The following KSR2 variants were observed in gnomAD, a reference collection of about 807,000 sequenced individuals.
KSR2 encodes kinase suppressor of ras 2.
Under a neutral mutation model 107.8 loss-of-function variants are expected in KSR2, and 25 were observed. The observed-to-expected ratio is 0.23, with a 90% CI of 0.17 to 0.32. The LOEUF (loss-of-function observed/expected upper bound fraction) is 0.32. Ranked by LOEUF, KSR2 falls within the 10% of genes least tolerant of loss-of-function variation. KSR2 has a pLI of 1.00. For missense variants in KSR2, 887 were observed against 1,268.9 expected (o/e 0.70, Z 4.57); for synonymous variants, 480 against 507.0 (o/e 0.95, Z 0.71).
At chr12:117,940,333 G>GT (rs1007861658) in intron 1 of KSR2, among the ~76,000 whole-genome samples, 2 of 152,128 alleles carry the variant, frequency 1.3e-5, no homozygotes, top group Non-Finnish European at 2.9e-5. Context: ...TGTTTTGTAG[G>GT]TATCTCAGAG....
At chr12:117,554,771 T>C (rs550837709) in intron 9 of KSR2, among the ~76,000 whole-genome samples, 1 of 152,292 alleles carries the variant, frequency 6.6e-6, no homozygotes, top group South Asian at 2.1e-4. Context: ...AACCTCTTTT[T>C]CTTTATGAAT....
chr12:117,704,564 A>G (rs1209912612), intron 4 of KSR2, among the ~76,000 whole-genome samples: 1 of 152,136 alleles, frequency 6.6e-6, no homozygotes, highest in Non-Finnish European at 1.5e-5. Flanking sequence ...ACCAAGCTCA[A>G]GACATAATGA....
In KSR2 at chr12:117,669,142, C is replaced by T. The variant is rs150452925; in HGVS notation, c.987-1484G>A. Among the ~76,000 whole-genome samples the T allele has an allele frequency of 2.1e-3, 313 of 152,218 alleles. 6 individuals are homozygous for T. Among genetic ancestry groups the T allele is most frequent in the Admixed American group, 0.02 (303 of 15,298 alleles). On this transcript the variant is annotated intron_variant, in intron 4 of 19. Coordinates refer to ENST00000339824, the MANE Select transcript of KSR2 (RefSeq NM_173598.6). ...TGCCTACAACATGGTACATTCATGG[C>T]AACAATTGTGCAATAAAGCCAGGGA... is the stretch of plus-strand genomic sequence containing the variant.
At chr12:117,744,221 C>G (rs1421248413) in intron 4 of KSR2, among the ~76,000 whole-genome samples, 1 of 152,174 alleles carries the variant, frequency 6.6e-6, no homozygotes, top group Non-Finnish European at 1.5e-5. Flanking sequence ...GTTTCCTCAT[C>G]CACAAAATGG....
chr12:117,559,200 T>C (rs1877938692), intron 7 of KSR2, among the ~76,000 whole-genome samples: 1 of 152,082 alleles, frequency 6.6e-6, no homozygotes, highest in Admixed American at 6.5e-5. Context: ...TGCAAAGGCA[T>C]ATCCTCAGCA....
At chr12:117,843,052 T>C (rs989700693) in intron 3 of KSR2, among the ~76,000 whole-genome samples, 5 of 152,058 alleles carry the variant, frequency 3.3e-5, no homozygotes, top group Non-Finnish European at 7.4e-5. Flanking sequence ...CACAGTCCAG[T>C]ACATATTCAG....
At chr12:117,843,987 G>T (rs78888472) in intron 3 of KSR2, among the ~76,000 whole-genome samples, 2,892 of 139,612 alleles carry the variant, frequency 0.021, 53 homozygotes, top group Middle Eastern at 0.076. Flanking sequence ...GGTCGTATAA[G>T]TCTAACATCT....
intron 3 of KSR2, among the ~76,000 whole-genome samples, chr12:117,783,479 G>C (rs1195657930): frequency 6.6e-6 from 1 of 152,166 alleles, no homozygotes; most frequent in Non-Finnish European, 1.5e-5. Context: ...TGAGGGTCTA[G>C]TGATTTTATA....
chr12:117,524,822 T>C, intron 14 of KSR2, 30 bp downstream of exon 14: 1 of 1,572,440 alleles, frequency 6.4e-7, no homozygotes, highest in Middle Eastern at 1.8e-4. Context: ...GTTTTGCCAA[T>C]CCCTGGGTAG....
At chr12:117,793,993 A>G (rs1890443470) in intron 3 of KSR2, among the ~76,000 whole-genome samples, 1 of 115,170 alleles carries the variant, frequency 8.7e-6, no homozygotes, top group Non-Finnish European at 1.7e-5. Context: ...CACATACACC[A>G]ACATGCACAC....
In KSR2 at chr12:117,772,046, CACAA is replaced by C. The variant is rs1264899437; in HGVS notation, c.473-10526_473-10523del. Among the ~76,000 whole-genome samples, 8 of 148,324 alleles carry C rather than the reference CACAA, an allele frequency of 5.4e-5. 1 individual carries two copies. The East Asian group carries it at 1.0e-3, about 19-fold the overall frequency. On this transcript the variant is annotated intron_variant, in intron 3 of 19. Coordinates refer to ENST00000339824, the MANE Select transcript of KSR2 (RefSeq NM_173598.6). ...CATACACACCATTCCACCAAAGACG[CACAA>C]ACACACACACATACACGCCGTTCCC... is the stretch of plus-strand genomic sequence containing the variant.
At chr12:117,801,099 C>T (rs760061366) in intron 3 of KSR2, among the ~76,000 whole-genome samples, 13 of 151,858 alleles carry the variant, frequency 8.6e-5, no homozygotes, top group Non-Finnish European at 1.9e-4. Flanking sequence ...ATTTATAATC[C>T]TTTGGGTAAT....
At chr12:117,724,006 G>A (rs1378899811) in intron 4 of KSR2, among the ~76,000 whole-genome samples, 1 of 151,890 alleles carries the variant, frequency 6.6e-6, no homozygotes, top group Non-Finnish European at 1.5e-5. Flanking sequence ...TAAAGATAGG[G>A]TTAAATATAT....
At position 117,512,448 on chromosome 12, in the gene KSR2, G is replaced by A. The variant is rs373448505; in HGVS notation, c.2219+12404C>T. Among the ~76,000 whole-genome samples the A allele has an allele frequency of 1.7e-4, 26 of 152,274 alleles. No homozygotes were observed. The East Asian group carries it at 4.4e-3, about 26-fold the overall frequency. On this transcript the variant is annotated intron_variant, in intron 14 of 19. Transcript: ENST00000339824. ...TGGGGTCCCCAGACCTGCAGCATCC[G>A]TATCACCTGGGATGACTGTTAAACA...
intron 12 of KSR2, among the ~76,000 whole-genome samples, chr12:117,528,675 T>C (rs1875395680): frequency 6.6e-6 from 1 of 152,210 alleles, no homozygotes; most frequent in Non-Finnish European, 1.5e-5. Context: ...ACCTGCACGA[T>C]GACAGCTGAC....
chr12:117,673,604 T>A (rs1885002790), intron 4 of KSR2, among the ~76,000 whole-genome samples: 1 of 152,122 alleles, frequency 6.6e-6, no homozygotes, highest in Admixed American at 6.5e-5. Flanking sequence ...CCATATTGCT[T>A]CCTACCCATC....
chr12:117,939,753 A>C (rs1362763986), intron 1 of KSR2, among the ~76,000 whole-genome samples: 1 of 150,740 alleles, frequency 6.6e-6, no homozygotes, highest in Non-Finnish European at 1.5e-5. Context: ...AAACGTGGCC[A>C]ATGTGGTGAA....
At chr12:117,550,866 T>G (rs1877251252) in intron 9 of KSR2, among the ~76,000 whole-genome samples, 1 of 152,180 alleles carries the variant, frequency 6.6e-6, no homozygotes, top group African/African-American at 2.4e-5. Context: ...GGAGCTGGAC[T>G]GAGCTAAAGA....
At position 117,488,049 on chromosome 12, in the gene KSR2, T is replaced by C. The variant is rs113621986; in HGVS notation, c.2220-2358A>G. 7.0e-3 allele frequency among the ~76,000 whole-genome samples: 1,072 copies of C among 152,136 alleles called. 16 individuals carry two copies. Among genetic ancestry groups the C allele is most frequent in the African/African-American group, 0.025 (1,026 of 41,492 alleles). On this transcript the variant is annotated intron_variant, in intron 14 of 19. Coordinates refer to ENST00000339824, the MANE Select transcript of KSR2 (RefSeq NM_173598.6). ...TTTCCCCCATACTGTTCTCCTGGTATTGAATAAGTCTCATGAGATCTGATG... is the reference window on the plus strand; with the variant it reads ...TTTCCCCCATACTGTTCTCCTGGTACTGAATAAGTCTCATGAGATCTGATG...
Sources: allele counts gnomAD v4.1 joint callset (sites outside exome capture counted in the v4.1 genomes callset), GRCh38; gene constraint gnomAD v4.1.1; transcripts MANE v1.5; gene names NCBI Gene and HGNC (gene_info 2026-07-23, HGNC 2026-07-21).